Variants in CALCRL observed in about 807,000 individuals in gnomAD.
CALCRL encodes calcitonin receptor like receptor.
In CALCRL, 27 loss-of-function variants were observed where a neutral mutation model predicts 60.4. That is an observed-to-expected ratio of 0.45 (90% CI 0.33 to 0.62). The LOEUF is 0.62. Ranked by LOEUF, CALCRL falls within the 20% of genes least tolerant of loss-of-function variation. The pLI, the probability that CALCRL is intolerant of heterozygous loss-of-function variation, is 0.03. For synonymous variants in CALCRL, 190 were observed against 182.6 expected, an observed-to-expected ratio of 1.04 and a Z score of -0.33; for missense variants, 424 against 540.7, an observed-to-expected ratio of 0.78 and a Z score of 2.14.
intron 12 of CALCRL, among the ~76,000 whole-genome samples, chr2:187,356,580 C>A (rs1051914602): frequency 6.6e-6 from 1 of 152,140 alleles, no homozygotes; most frequent in African/African-American, 2.4e-5. Flanking sequence ...CAATATCATT[C>A]AGGACATAGG....
chr2:187,429,917 TCA>T (rs1690323903), intron 1 of CALCRL, among the ~76,000 whole-genome samples: 2 of 152,304 alleles, frequency 1.3e-5, no homozygotes, highest in South Asian at 4.1e-4. Flanking sequence ...TGTATTCCTC[TCA>T]GTGTTCACAT....
At chr2:187,402,960 G>T (rs571603301) in intron 1 of CALCRL, among the ~76,000 whole-genome samples, 2 of 151,590 alleles carry the variant, frequency 1.3e-5, no homozygotes, top group Non-Finnish European at 2.9e-5. Context: ...ACATCCTTAT[G>T]AAAAGAGAAA....
intron 1 of CALCRL, among the ~76,000 whole-genome samples, chr2:187,403,178 A>G (rs1309857579): frequency 6.6e-6 from 1 of 151,906 alleles, no homozygotes; most frequent in East Asian, 1.9e-4. Context: ...GGTATGATGC[A>G]GAAAAATATT....
At chr2:187,363,240 T>C (rs779412509) in intron 9 of CALCRL, 136 bp downstream of exon 9, 277 of 806,370 alleles carry the variant, frequency 3.4e-4, no homozygotes, top group Non-Finnish European at 3.3e-4. Flanking sequence ...ATATAAAGAC[T>C]TGAAAATATA....
chr2:187,445,727 T>C (rs1691149756), intron 1 of CALCRL, among the ~76,000 whole-genome samples: 1 of 151,560 alleles, frequency 6.6e-6, no homozygotes, highest in Non-Finnish European at 1.5e-5. Flanking sequence ...TTTATGAAAT[T>C]TTATTTCTGT....
At chr2:187,418,443 C>A (rs914352534) in intron 1 of CALCRL, among the ~76,000 whole-genome samples, 1 of 152,124 alleles carries the variant, frequency 6.6e-6, no homozygotes, top group African/African-American at 2.4e-5. Context: ...TACTTAATGA[C>A]ACTGTATCAT....
intron 9 of CALCRL, among the ~76,000 whole-genome samples, chr2:187,361,482 G>A (rs1687053478): frequency 6.6e-6 from 1 of 151,826 alleles, no homozygotes; most frequent in Non-Finnish European, 1.5e-5. Context: ...TACTCCTATT[G>A]GCTCCAGTTT....
Position 187,363,609 on chromosome 2 carries a change from A to T in CALCRL, c.501-107T>A. 2.5e-6 allele frequency: 3 copies of T among 1,187,538 alleles called. No homozygotes were observed. The South Asian group carries it at 5.3e-5, about 21-fold the overall frequency. 73.6% of individuals were successfully genotyped at this position (1,187,538 alleles called of 1,614,324 possible). A position where few individuals can be genotyped will look rare whatever the true frequency, so the allele number is the denominator to read the frequency against. On this transcript the variant is annotated intron_variant, in intron 8 of 14. Transcript: ENST00000392370. ...TTCATAGCAGCTGATCCACTTTTGA[A>T]ACAATTATTTTTTCTCCCTAAGATC...
intron 8 of CALCRL, among the ~76,000 whole-genome samples, chr2:187,370,416 G>T (rs1383895311): frequency 6.6e-6 from 1 of 151,942 alleles, no homozygotes; most frequent in African/African-American, 2.4e-5. Flanking sequence ...TTCAAATAAT[G>T]ATATAATTTT....
intron 1 of CALCRL, among the ~76,000 whole-genome samples, chr2:187,397,585 A>C (rs529051888): frequency 1.1e-4 from 16 of 151,798 alleles, no homozygotes; most frequent in Middle Eastern, 3.4e-3. Context: ...GTGCACTTGT[A>C]TTGCATGAAT....
chr2:187,391,423 T>G (rs531697172), intron 1 of CALCRL, among the ~76,000 whole-genome samples: 86 of 152,240 alleles, frequency 5.6e-4, no homozygotes, highest in African/African-American at 1.9e-3. Context: ...AAGCAAATAA[T>G]GAAAAGAGGT....
intron 8 of CALCRL, among the ~76,000 whole-genome samples, chr2:187,371,204 T>C (rs924829046): frequency 6.6e-6 from 1 of 151,142 alleles, no homozygotes; most frequent in Non-Finnish European, 1.5e-5. Flanking sequence ...ATCGTGCCAC[T>C]GCACTCCAGC....
At chr2:187,361,096 A>T (rs1290966949) in intron 9 of CALCRL, among the ~76,000 whole-genome samples, 1 of 152,062 alleles carries the variant, frequency 6.6e-6, no homozygotes, top group Non-Finnish European at 1.5e-5. Flanking sequence ...TATTTATATC[A>T]TCATGAATCC....
chr2:187,385,695 C>T (rs1007009565), intron 3 of CALCRL, 64 bp from the exon 4 acceptor site: 47 of 798,654 alleles, frequency 5.9e-5, no homozygotes, highest in Non-Finnish European at 8.0e-5. Context: ...AGATGATTCT[C>T]AACAGAAAAT....
chr2:187,447,964 C>A (rs578160949), intron 1 of CALCRL, 75 bp downstream of exon 1: 1 of 152,038 alleles, frequency 6.6e-6, no homozygotes, highest in Admixed American at 6.6e-5. Flanking sequence ...CTACTAAATT[C>A]TATAATAGAA....
intron 8 of CALCRL, among the ~76,000 whole-genome samples, chr2:187,375,590 T>A (rs1687723673): frequency 6.6e-6 from 1 of 152,194 alleles, no homozygotes; most frequent in South Asian, 2.1e-4. Context: ...ATGCATGTAT[T>A]TATTGCACAT....
Position 187,352,124 on chromosome 2 carries a change from A to G in CALCRL, c.1118T>C (p.Met373Thr). Reference sequence around the variant, plus strand: ...TCAAGAATGCCATACCTGGAAGTGCATAAGGATGTGCATGATGTAGTCATA... The same window carrying G: ...TCAAGAATGCCATACCTGGAAGTGCGTAAGGATGTGCATGATGTAGTCATA... ...EVYDYIMHIL[M>T]HFQGLLVSTI... The change falls in exon 13 of 15, where the codon ATG becomes ACG. Residue 373 changes from methionine (M) to threonine (T), a missense_variant. Met to Thr is a moderately conservative substitution (Grantham distance 81, BLOSUM62 -1). Coordinates refer to ENST00000392370, the MANE Select transcript of CALCRL (RefSeq NM_005795.6). The G allele has an allele frequency of 1.2e-6, 2 of 1,611,886 alleles. No homozygotes were observed. Among genetic ancestry groups the G allele is most frequent in the East Asian group, 2.2e-5 (1 of 44,812 alleles).
At chr2:187,423,687 G>A (rs1221415972) in intron 1 of CALCRL, among the ~76,000 whole-genome samples, 2 of 151,920 alleles carry the variant, frequency 1.3e-5, no homozygotes, top group Middle Eastern at 3.2e-3. Flanking sequence ...TTGTTTTCTG[G>A]ATCATTTATT....
intron 1 of CALCRL, among the ~76,000 whole-genome samples, chr2:187,406,541 G>A (rs1689136871): frequency 6.6e-6 from 1 of 151,960 alleles, no homozygotes; most frequent in Non-Finnish European, 1.5e-5. Context: ...AAAAGAAAAG[G>A]AAGCATTGAG....
Sources: allele counts gnomAD v4.1 joint callset (sites outside exome capture counted in the v4.1 genomes callset), GRCh38; gene constraint gnomAD v4.1.1; transcripts MANE v1.5; gene names NCBI Gene and HGNC (gene_info 2026-07-23, HGNC 2026-07-21).